The following HDAC4 variants were observed in gnomAD, a reference collection of about 807,000 sequenced individuals.
The protein encoded by HDAC4 is histone deacetylase A.
In HDAC4, 16 loss-of-function variants were observed where a neutral mutation model predicts 135.1. The observed-to-expected ratio is 0.12, with a 90% CI of 0.08 to 0.18. HDAC4 has a LOEUF of 0.18. HDAC4 is among the 10% of genes least tolerant of loss of function. The pLI is 1.00. For synonymous variants in HDAC4, 685 were observed against 653.4 expected, an observed-to-expected ratio of 1.05 and a Z score of -0.74; for missense variants, 1,143 against 1,511.8, an observed-to-expected ratio of 0.76 and a Z score of 4.05.
chr2:239,119,909 AGCG>A (rs2039484539), intron 12 of HDAC4, among the ~76,000 whole-genome samples: 1 of 151,900 alleles, frequency 6.6e-6, no homozygotes, highest in Admixed American at 6.6e-5. Flanking sequence ...GGCTGGGTCC[AGCG>A]GCAGTGGGGA....
intron 2 of HDAC4, among the ~76,000 whole-genome samples, chr2:239,305,173 C>A (rs973222995): frequency 6.6e-6 from 1 of 152,224 alleles, no homozygotes; most frequent in Non-Finnish European, 1.5e-5. Context: ...AACACAAATA[C>A]GGCCACACTC....
At position 239,237,654 on chromosome 2, in the gene HDAC4, A is replaced by T. The variant is rs2047961967; in HGVS notation, c.23-990T>A. ...TGCCAACCCGTGCATGTCCTTGGAG[A>T]TGTTCAATATTCAAGAACGGAAACA... On this transcript the variant is annotated intron_variant, in intron 2 of 26. Coordinates refer to ENST00000543185, the MANE Select transcript of HDAC4 (RefSeq NM_001378414.1). 2.0e-5 allele frequency among the ~76,000 whole-genome samples: 3 copies of T among 152,064 alleles called. No homozygotes were observed. The South Asian group carries it at 6.2e-4, about 32-fold the overall frequency.
At chr2:239,180,247 C>T (rs1223015247) in intron 4 of HDAC4, among the ~76,000 whole-genome samples, 1 of 152,154 alleles carries the variant, frequency 6.6e-6, no homozygotes, top group Non-Finnish European at 1.5e-5. Flanking sequence ...ACCTTTCCAA[C>T]CCCTAGGCTT....
At chr2:239,347,798 A>G (rs1441874476) in intron 2 of HDAC4, among the ~76,000 whole-genome samples, 2 of 152,196 alleles carry the variant, frequency 1.3e-5, no homozygotes, top group African/African-American at 4.8e-5. Context: ...TACAGGTTTG[A>G]GCCACCGCAC....
chr2:239,063,560 T>C (rs753292090), intron 24 of HDAC4, among the ~76,000 whole-genome samples: 1 of 152,148 alleles, frequency 6.6e-6, no homozygotes, highest in Non-Finnish European at 1.5e-5. Flanking sequence ...CAAGGGGACG[T>C]ATGCGCCCAC....
At chr2:239,164,827 C>A (rs1410013206) in intron 5 of HDAC4, among the ~76,000 whole-genome samples, 1 of 152,214 alleles carries the variant, frequency 6.6e-6, no homozygotes, top group East Asian at 1.9e-4. Context: ...ACACTGACTA[C>A]CTTTAGAATT....
intron 1 of HDAC4, among the ~76,000 whole-genome samples, chr2:239,372,048 T>C (rs946116536): frequency 2.0e-5 from 3 of 152,158 alleles, no homozygotes; most frequent in African/African-American, 7.2e-5. Flanking sequence ...GCCAGAGGCA[T>C]CCTCAAGGCC....
chr2:239,084,374 G>A (rs1052941903), intron 19 of HDAC4, 132 bp from the exon 20 acceptor site: 14 of 698,296 alleles, frequency 2.0e-5, no homozygotes, highest in South Asian at 6.0e-5. Context: ...TCCTGAATAC[G>A]TCGCAGGGAA....
chr2:239,310,766 G>A (rs2052836492), intron 2 of HDAC4, among the ~76,000 whole-genome samples: 1 of 152,150 alleles, frequency 6.6e-6, no homozygotes, highest in Non-Finnish European at 1.5e-5. Flanking sequence ...GGGCAGGGTC[G>A]CTGAGTGCAG....
intron 2 of HDAC4, among the ~76,000 whole-genome samples, chr2:239,257,149 C>T (rs928031624): frequency 9.2e-5 from 14 of 151,808 alleles, no homozygotes; most frequent in Non-Finnish European, 1.8e-4. Context: ...ATATATACTG[C>T]TAATCATCTT....
intron 4 of HDAC4, among the ~76,000 whole-genome samples, chr2:239,185,843 C>T (rs900563059): frequency 2.0e-5 from 3 of 152,058 alleles, no homozygotes; most frequent in Non-Finnish European, 4.4e-5. Flanking sequence ...CTAGCCTGGC[C>T]AACATGGGAA....
intron 3 of HDAC4, among the ~76,000 whole-genome samples, chr2:239,212,258 C>T (rs1405861559): frequency 6.6e-6 from 1 of 152,128 alleles, no homozygotes; most frequent in African/African-American, 2.4e-5. Context: ...GGTCTTTCTA[C>T]CCACGGCCTC....
rs1369520241 is a variant in HDAC4, at chr2:239,303,872, C to A, written c.22+48806G>T. Among the ~76,000 whole-genome samples, 1 of 152,150 alleles carries A rather than the reference C, an allele frequency of 6.6e-6. No individual in the cohort carries two copies. ...CCGGGACCCCAGATACCCACCAGAC[C>A]CTACAGGCCTGCCCCGTGGCCCTGG... On this transcript the variant is annotated intron_variant, in intron 2 of 26. Coordinates refer to ENST00000543185, the MANE Select transcript of HDAC4 (RefSeq NM_001378414.1). This position sits in a 1 kb window ranked among gnomAD's most constrained non-coding sequence, Gnocchi z 5.1.
At chr2:239,255,305 G>GTT (rs1408377515) in intron 2 of HDAC4, among the ~76,000 whole-genome samples, 3 of 117,124 alleles carry the variant, frequency 2.6e-5, no homozygotes, top group African/African-American at 1.0e-4. Flanking sequence ...CTGTGTGTGT[G>GTT]TGTGTGTGTG....
chr2:239,094,609 GC>G (rs2036827732), intron 17 of HDAC4: 1 of 1,142,660 alleles, frequency 8.8e-7, no homozygotes, highest in Admixed American at 4.1e-5. Flanking sequence ...TGCACTGGGA[GC>G]CCCACCTGTA....
At position 239,331,966 on chromosome 2, in the gene HDAC4, G is replaced by C. The variant is rs1207196512; in HGVS notation, c.22+20712C>G. 6.6e-6 allele frequency among the ~76,000 whole-genome samples: 1 copy of C among 152,212 alleles called. No individual in the cohort carries two copies. Among genetic ancestry groups the C allele is most frequent in the African/African-American group, 2.4e-5 (1 of 41,448 alleles). On this transcript the variant is annotated intron_variant, in intron 2 of 26. Coordinates refer to ENST00000543185, the MANE Select transcript of HDAC4 (RefSeq NM_001378414.1). This position sits in a 1 kb window ranked among gnomAD's most constrained non-coding sequence, Gnocchi z 4.5. ...CCAGTCCTCACAGAATCCGCAGCTT[G>C]AGCGTAAGAAGGGATACAAGAGGGA...
intron 3 of HDAC4, among the ~76,000 whole-genome samples, chr2:239,227,920 G>A (rs1056659572): frequency 5.9e-5 from 9 of 152,164 alleles, no homozygotes; most frequent in Non-Finnish European, 1.2e-4. Context: ...CATCCACCAG[G>A]CATCTTCTCA....
rs1001306397 is a variant in HDAC4, at chr2:239,049,504, C to T, written c.*3593G>A. The T allele has an allele frequency of 6.6e-6, 1 of 151,832 alleles. No homozygotes were observed. The highest frequency in any genetic ancestry group is 2.4e-5 in the African/African-American group (1 of 41,316). 9.4% of individuals were successfully genotyped at this position (151,832 alleles called of 1,614,324 possible). A position where few individuals can be genotyped will look rare whatever the true frequency, so the allele number is the denominator to read the frequency against. On this transcript the variant is annotated 3_prime_UTR_variant, in exon 27 of 27. Transcript: ENST00000543185. ...CTATATATTTATATATGTATCAATG[C>T]CCATAAAACACGTGGGCCCAAAGTC...
intron 22 of HDAC4, among the ~76,000 whole-genome samples, chr2:239,074,489 C>T (rs552232944): frequency 6.6e-6 from 1 of 152,348 alleles, no homozygotes; most frequent in South Asian, 2.1e-4. Context: ...GTGGTGTTGC[C>T]TCAAAGCCAG....
Sources: allele counts gnomAD v4.1 joint callset (sites outside exome capture counted in the v4.1 genomes callset), GRCh38; gene constraint gnomAD v4.1.1; non-coding constraint Gnocchi (gnomAD v3.1); transcripts MANE v1.5; gene names NCBI Gene and HGNC (gene_info 2026-07-23, HGNC 2026-07-21).